The following TEX11 variants were observed in gnomAD, a reference collection of about 807,000 sequenced individuals.
The protein encoded by TEX11 is testis-expressed protein 11.
A neutral mutation model predicts 84.4 loss-of-function variants in TEX11; 7 were observed. The observed-to-expected ratio is 0.08, with a 90% confidence interval of 0.05 to 0.16. The LOEUF (loss-of-function observed/expected upper bound fraction) is 0.16, where lower values mean the gene tolerates loss of function less well. Ranked by LOEUF, TEX11 falls within the 10% of genes least tolerant of loss-of-function variation. TEX11 has a pLI of 1.00. For synonymous variants in TEX11, 264 were observed against 222.8 expected (o/e 1.18, Z -1.64); for missense variants, 551 against 660.5 (o/e 0.83, Z 1.82).
At chrX:70,843,896 T>A (rs1417395961) in intron 7 of TEX11, among the ~76,000 whole-genome samples, 1 of 111,237 alleles carries the variant, frequency 9.0e-6, no homozygotes, top group Admixed American at 9.5e-5. Context: ...GAAATGCAAA[T>A]CAAAACCACA....
chrX:70,563,986 T>C (rs1285024130), intron 25 of TEX11, among the ~76,000 whole-genome samples: 1 of 112,285 alleles, frequency 8.9e-6, no homozygotes, highest in African/African-American at 3.2e-5. Flanking sequence ...CCCAGCACTT[T>C]GGGAGGCCGA....
chrX:70,520,922 C>T, the TEX11 span, among the ~76,000 whole-genome samples: 30 of 112,133 alleles, frequency 2.7e-4, no homozygotes, highest in Non-Finnish European at 4.7e-4. Context: ...CAAAGCTCCG[C>T]GGGCATGGGA....
chrX:70,783,873 C>A (rs1024904614), intron 9 of TEX11, among the ~76,000 whole-genome samples: 7 of 111,442 alleles, frequency 6.3e-5, no homozygotes, highest in Non-Finnish European at 1.1e-4. Context: ...ACCAGATGGA[C>A]TCACAGCCGA....
At chrX:70,745,827 G>A (rs1287733011) in intron 9 of TEX11, among the ~76,000 whole-genome samples, 2 of 111,764 alleles carry the variant, frequency 1.8e-5, no homozygotes, top group Non-Finnish European at 3.8e-5. Flanking sequence ...TATAATGCTG[G>A]CTTAGTCATT....
At chrX:70,602,701 C>T (rs1198168672) in intron 24 of TEX11, among the ~76,000 whole-genome samples, 4 of 107,414 alleles carry the variant, frequency 3.7e-5, no homozygotes, top group Admixed American at 1.0e-4. Flanking sequence ...GTTCTGGCCA[C>T]GGCAATTAGG....
intron 25 of TEX11, among the ~76,000 whole-genome samples, chrX:70,577,670 G>A (rs2088694037): frequency 9.1e-6 from 1 of 110,388 alleles, no homozygotes; most frequent in Admixed American, 9.7e-5. Context: ...TTCCTCATCA[G>A]TTAATGAATT....
chrX:70,567,494 G>A (rs2088507162), intron 25 of TEX11, among the ~76,000 whole-genome samples: 1 of 110,994 alleles, frequency 9.0e-6, no homozygotes, highest in African/African-American at 3.3e-5. Flanking sequence ...TAATTGTGAT[G>A]TTAGGGTGTC....
chrX:70,842,140 C>A (rs1602174165), intron 7 of TEX11, among the ~76,000 whole-genome samples: 1 of 110,911 alleles, frequency 9.0e-6, no homozygotes, highest in Admixed American at 9.6e-5. Flanking sequence ...ATGAGGCCAG[C>A]ATCATCCTGA....
chrX:70,733,507 C>T (rs1233323392), intron 11 of TEX11, among the ~76,000 whole-genome samples: 1 of 111,631 alleles, frequency 9.0e-6, no homozygotes, highest in Non-Finnish European at 1.9e-5. Context: ...TGAACAGACA[C>T]TTCTCAAAAG....
chrX:70,648,032 G>C (rs908729287), intron 17 of TEX11, among the ~76,000 whole-genome samples: 3 of 112,148 alleles, frequency 2.7e-5, no homozygotes, highest in African/African-American at 9.7e-5. Context: ...ATCAATGATA[G>C]ACTGGATTAA....
intron 11 of TEX11, among the ~76,000 whole-genome samples, chrX:70,737,034 T>C (rs2090701292): frequency 9.0e-6 from 1 of 111,141 alleles, no homozygotes; most frequent in East Asian, 2.8e-4. Context: ...AATGGGGAGA[T>C]AATAGATGGA....
chrX:70,715,584 G>A (rs1436170607), intron 13 of TEX11, among the ~76,000 whole-genome samples: 1 of 111,461 alleles, frequency 9.0e-6, no homozygotes, highest in Non-Finnish European at 1.9e-5. Context: ...TGATAGCATC[G>A]GCTACTGAGG....
chrX:70,901,398 A>G (rs190744533), intron 2 of TEX11, among the ~76,000 whole-genome samples: 78 of 111,721 alleles, frequency 7.0e-4, no homozygotes, highest in African/African-American at 2.5e-3. Context: ...AGAAATGTGT[A>G]ATTTGGTGAT....
At chrX:70,680,010 G>T (rs1472294680) in intron 14 of TEX11, among the ~76,000 whole-genome samples, 2 of 79,411 alleles carry the variant, frequency 2.5e-5, no homozygotes, top group Admixed American at 1.3e-4. Flanking sequence ...GGTGAGGGGC[G>T]CCTCTGCCCG....
At chrX:70,880,504 G>A (rs2091676943) in intron 2 of TEX11, among the ~76,000 whole-genome samples, 1 of 110,790 alleles carries the variant, frequency 9.0e-6, no homozygotes, top group Non-Finnish European at 1.9e-5. Context: ...AGGCTACAGT[G>A]AGCTACGATC....
intron 20 of TEX11, among the ~76,000 whole-genome samples, chrX:70,611,477 C>T (rs912406997): frequency 3.6e-5 from 4 of 112,005 alleles, no homozygotes. Context: ...CTCAGGAGGA[C>T]CCAGTCATAA....
At chrX:70,860,807 A>C in intron 5 of TEX11, 50 bp downstream of exon 5, 1 of 906,771 alleles carries the variant, frequency 1.1e-6, no homozygotes, top group South Asian at 2.1e-5. Flanking sequence ...TTTTCATAGA[A>C]GTAACAACCA....
chrX:70,900,708 G>T (rs1005829301), intron 2 of TEX11, among the ~76,000 whole-genome samples: 1 of 110,666 alleles, frequency 9.0e-6, no homozygotes, highest in African/African-American at 3.3e-5. Flanking sequence ...AATCCCAGCA[G>T]TTTGGGAGGC....
intron 9 of TEX11, among the ~76,000 whole-genome samples, chrX:70,749,368 C>G (rs1407340795): frequency 9.1e-6 from 1 of 110,472 alleles, no homozygotes. Flanking sequence ...CGTCTGCAAA[C>G]AGGGAAAATT....
Sources: gnomAD v4.1 joint callset for allele counts (sites outside exome capture counted in the v4.1 genomes callset) on GRCh38, gnomAD v4.1.1 for gene constraint, MANE v1.5 for transcripts, NCBI Gene and HGNC (gene_info 2026-07-23, HGNC 2026-07-21) for gene names.